GABBR2: variants seen among roughly 807,000 people sequenced by gnomAD.
GABBR2 encodes gamma-aminobutyric acid type B receptor subunit 2, also known as G-protein coupled receptor 51.
GABBR2 carries 23 observed loss-of-function variants against 105.6 expected under a neutral mutation model. That is an observed-to-expected ratio of 0.22 (90% CI 0.16 to 0.31). GABBR2 has a LOEUF of 0.31. GABBR2 is among the 10% of genes least tolerant of loss of function. The pLI is 1.00. For missense variants in GABBR2, 734 were observed against 1,245.5 expected (o/e 0.59, Z 6.18); for synonymous variants, 478 against 499.7 (o/e 0.96, Z 0.58).
In GABBR2 at chr9:98,578,314, C is replaced by T. The variant is rs1322706656; in HGVS notation, c.322-242G>A. On this transcript the variant is annotated intron_variant, in intron 1 of 18. Coordinates refer to ENST00000259455, the MANE Select transcript of GABBR2 (RefSeq NM_005458.8). ...CCAAATCTAGGACCTCTCTCCAGCA[C>T]CCCAGCTATCTCCCTTTAGAGCACA... Among the ~76,000 whole-genome samples the T allele has an allele frequency of 1.3e-5, 2 of 152,268 alleles. 1 individual carries two copies. The highest frequency in any genetic ancestry group is 3.9e-4 in the East Asian group (2 of 5,188).
intron 3 of GABBR2, among the ~76,000 whole-genome samples, chr9:98,520,380 G>C (rs1827843511): frequency 6.6e-6 from 1 of 152,210 alleles, no homozygotes; most frequent in Non-Finnish European, 1.5e-5. Context: ...GGGATTCATA[G>C]GTGCCTGTGA....
At chr9:98,512,060 T>C (rs889854771) in intron 3 of GABBR2, among the ~76,000 whole-genome samples, 1 of 151,862 alleles carries the variant, frequency 6.6e-6, no homozygotes, top group African/African-American at 2.4e-5. Flanking sequence ...TTATCCACCA[T>C]GATCAAGTGG....
intron 1 of GABBR2, among the ~76,000 whole-genome samples, chr9:98,662,957 T>A (rs1830283585): frequency 6.6e-6 from 1 of 152,128 alleles, no homozygotes; most frequent in African/African-American, 2.4e-5. Flanking sequence ...AGAGGTGATA[T>A]GTGGGACTGA....
intron 13 of GABBR2, among the ~76,000 whole-genome samples, chr9:98,329,659 G>A (rs867592381): frequency 5.3e-4 from 80 of 152,252 alleles, no homozygotes; most frequent in African/African-American, 1.8e-3. Context: ...CCCCCTCACT[G>A]TACCACCTCC....
At chr9:98,527,742 A>G (rs1167084422) in intron 3 of GABBR2, among the ~76,000 whole-genome samples, 1 of 142,970 alleles carries the variant, frequency 7.0e-6, no homozygotes, top group Non-Finnish European at 1.5e-5. Flanking sequence ...GACATGGTAT[A>G]TAAAGATGTC....
At chr9:98,441,327 C>T (rs1424784900) in intron 7 of GABBR2, among the ~76,000 whole-genome samples, 1 of 151,858 alleles carries the variant, frequency 6.6e-6, no homozygotes, top group Non-Finnish European at 1.5e-5. Context: ...ATAAATAACC[C>T]ATTTAATAAA....
rs1832370000 is a variant in GABBR2 at position 98,400,207 on chromosome 9, GA to G, written c.1297+5873del. 4.2e-5 allele frequency among the ~76,000 whole-genome samples: 6 copies of G among 141,184 alleles called. 1 individual carries two copies. In the South Asian group the frequency reaches 1.1e-3, roughly 26 times the overall value. The allele number at this position is 141,184 out of a possible 152,430, so 92.6% of individuals were successfully genotyped here. On this transcript the variant is annotated intron_variant, in intron 8 of 18. Coordinates refer to ENST00000259455, the MANE Select transcript of GABBR2 (RefSeq NM_005458.8). ...GCCTTTTTTTTTTTTAAAAAAAAAA[GA>G]AAAAAAGAAAAGAAAAAAGATCAAA...
At chr9:98,411,483 AG>A (rs1314561258) in intron 7 of GABBR2, among the ~76,000 whole-genome samples, 3 of 152,240 alleles carry the variant, frequency 2.0e-5, no homozygotes, top group African/African-American at 7.2e-5. Flanking sequence ...GAGAATAGCC[AG>A]GGATGGGGCA....
intron 12 of GABBR2, among the ~76,000 whole-genome samples, chr9:98,369,129 C>A (rs1831732989): frequency 1.3e-5 from 2 of 152,348 alleles, no homozygotes; most frequent in South Asian, 2.1e-4. Context: ...TTGCAGTCCA[C>A]AGCCACAGCT....
At chr9:98,673,998 G>A (rs571079997) in intron 1 of GABBR2, among the ~76,000 whole-genome samples, 4 of 152,282 alleles carry the variant, frequency 2.6e-5, no homozygotes, top group African/African-American at 9.6e-5. Flanking sequence ...TCTAGGGAAG[G>A]AGAAATGGTT....
At chr9:98,654,580 A>C (rs1830154154) in intron 1 of GABBR2, among the ~76,000 whole-genome samples, 1 of 152,228 alleles carries the variant, frequency 6.6e-6, no homozygotes, top group African/African-American at 2.4e-5. Flanking sequence ...GTTAGAGGAC[A>C]TGCAACGACA....
intron 1 of GABBR2, among the ~76,000 whole-genome samples, chr9:98,643,069 A>T (rs971959868): frequency 2.0e-5 from 3 of 152,228 alleles, no homozygotes; most frequent in African/African-American, 4.8e-5. Context: ...AGGCATGGGT[A>T]ATGAAGTGGA....
intron 1 of GABBR2, among the ~76,000 whole-genome samples, chr9:98,630,607 T>C (rs1459126832): frequency 6.6e-6 from 1 of 151,930 alleles, no homozygotes; most frequent in Non-Finnish European, 1.5e-5. Context: ...AAAACACAGA[T>C]AGCCAAAAGA....
At chr9:98,535,880 A>G (rs74690218) in intron 3 of GABBR2, among the ~76,000 whole-genome samples, 1 of 152,238 alleles carries the variant, frequency 6.6e-6, no homozygotes, top group Non-Finnish European at 1.5e-5. Context: ...TGGTGAAAAT[A>G]CTCTAATGAT....
At chr9:98,637,872 T>G (rs951804229) in intron 1 of GABBR2, among the ~76,000 whole-genome samples, 19 of 152,240 alleles carry the variant, frequency 1.2e-4, no homozygotes, top group African/African-American at 4.6e-4. Context: ...TATGGTCATT[T>G]GTTACAGCAG....
In GABBR2 at chr9:98,671,138, C is replaced by A. The variant is rs1830401588; in HGVS notation, c.321+37279G>T. 4.6e-5 allele frequency among the ~76,000 whole-genome samples: 7 copies of A among 152,136 alleles called. No individual in the cohort carries two copies. In the South Asian group the frequency reaches 1.5e-3, roughly 32 times the overall value. ...AAAATAATCCCATACCTTTAGCAACCACTGCCACCCCCCCGCCCCACTTCC... is the reference window on the plus strand; with the variant it reads ...AAAATAATCCCATACCTTTAGCAACAACTGCCACCCCCCCGCCCCACTTCC... On this transcript the variant is annotated intron_variant, in intron 1 of 18. Transcript: ENST00000259455.
intron 1 of GABBR2, among the ~76,000 whole-genome samples, chr9:98,602,120 C>T (rs1829347165): frequency 6.6e-6 from 1 of 151,998 alleles, no homozygotes; most frequent in Non-Finnish European, 1.5e-5. Context: ...CCCTCCTCAG[C>T]CTCCTGAGTA....
intron 1 of GABBR2, among the ~76,000 whole-genome samples, chr9:98,667,322 A>G (rs369532582): frequency 6.2e-4 from 94 of 152,258 alleles, no homozygotes; most frequent in African/African-American, 2.1e-3. Context: ...AAACAGAGAA[A>G]GTGAATGCCA....
chr9:98,295,803 C>T (rs186355910), intron 17 of GABBR2, among the ~76,000 whole-genome samples: 1 of 152,342 alleles, frequency 6.6e-6, no homozygotes, highest in Non-Finnish European at 1.5e-5. Flanking sequence ...GGATTACAGG[C>T]TTGAGCCACT....
Sources: allele counts gnomAD v4.1 joint callset (sites outside exome capture counted in the v4.1 genomes callset), GRCh38; gene constraint gnomAD v4.1.1; transcripts MANE v1.5; gene names NCBI Gene and HGNC (gene_info 2026-07-23, HGNC 2026-07-21).